The following SMYD3 variants were observed in gnomAD, a reference collection of about 807,000 sequenced individuals.
SMYD3 encodes SET and MYND domain containing 3.
In SMYD3, 36 loss-of-function variants were observed where a neutral mutation model predicts 57.7. That is an observed-to-expected ratio of 0.62 (90% CI 0.48 to 0.82). The LOEUF (loss-of-function observed/expected upper bound fraction) is 0.82. Ranked by LOEUF, SMYD3 falls within the 40% of genes least tolerant of loss-of-function variation. The pLI, the probability that SMYD3 is intolerant of heterozygous loss-of-function variation, is 0.00. For synonymous variants in SMYD3, 211 were observed against 195.0 expected, an observed-to-expected ratio of 1.08 and a Z score of -0.68; for missense variants, 515 against 538.8, an observed-to-expected ratio of 0.96 and a Z score of 0.44.
chr1:245,784,843 A>ATTTTTTT (rs74163079), intron 10 of SMYD3, among the ~76,000 whole-genome samples: 1 of 115,706 alleles, frequency 8.6e-6, no homozygotes, highest in South Asian at 2.6e-4. Context: ...TTTAGACTGA[A>ATTTTTTT]TTTTTTTTTT....
intron 7 of SMYD3, among the ~76,000 whole-genome samples, chr1:245,923,746 G>C (rs948561170): frequency 6.6e-5 from 10 of 152,246 alleles, no homozygotes; most frequent in African/African-American, 2.4e-4. Context: ...CTGTAAGCCT[G>C]TGCCCATTTA....
intron 8 of SMYD3, among the ~76,000 whole-genome samples, chr1:245,900,437 T>C (rs532669174): frequency 2.0e-5 from 3 of 152,288 alleles, no homozygotes; most frequent in African/African-American, 7.2e-5. Flanking sequence ...AGAGCTTAGA[T>C]ACACTGACTG....
At chr1:246,269,543 C>CTTTTT (rs570972296) in intron 5 of SMYD3, among the ~76,000 whole-genome samples, 5 of 135,204 alleles carry the variant, frequency 3.7e-5, no homozygotes, top group Admixed American at 7.5e-5. Context: ...CTTTTTTTTT[C>CTTTTT]TTTTTTTTTT....
chr1:246,057,575 T>C (rs1006489904), intron 5 of SMYD3, among the ~76,000 whole-genome samples: 2 of 152,180 alleles, frequency 1.3e-5, no homozygotes, highest in African/African-American at 4.8e-5. Flanking sequence ...CATATTAGAA[T>C]GGCCAAATCC....
chr1:246,392,800 GAA>G (rs1304643488), intron 1 of SMYD3, among the ~76,000 whole-genome samples: 38 of 92,882 alleles, frequency 4.1e-4, no homozygotes, highest in Non-Finnish European at 6.8e-4. Flanking sequence ...AAAAGAAAAA[GAA>G]AAAGAAAAAA....
At chr1:245,818,529 A>G (rs1194875713) in intron 10 of SMYD3, among the ~76,000 whole-genome samples, 1 of 152,164 alleles carries the variant, frequency 6.6e-6, no homozygotes, top group African/African-American at 2.4e-5. Context: ...GACAGGATCA[A>G]ATTCACACAT....
At chr1:246,274,493 T>C (rs1012447768) in intron 5 of SMYD3, among the ~76,000 whole-genome samples, 1 of 152,190 alleles carries the variant, frequency 6.6e-6, no homozygotes, top group Non-Finnish European at 1.5e-5. Context: ...GTGGACTCCA[T>C]TCTCCAAGTG....
intron 10 of SMYD3, among the ~76,000 whole-genome samples, chr1:245,816,684 G>A (rs753750617): frequency 9.0e-4 from 137 of 151,964 alleles, no homozygotes; most frequent in Non-Finnish European, 1.7e-3. Context: ...CAGGTCAGTG[G>A]GTGCGCGCAC....
intron 8 of SMYD3, among the ~76,000 whole-genome samples, chr1:245,913,600 C>T (rs1038282150): frequency 6.6e-6 from 1 of 151,506 alleles, no homozygotes; most frequent in East Asian, 1.9e-4. Context: ...AAAGCACAAG[C>T]AACAAAAACA....
At chr1:245,980,746 T>C (rs893150597) in intron 5 of SMYD3, among the ~76,000 whole-genome samples, 1 of 152,230 alleles carries the variant, frequency 6.6e-6, no homozygotes, top group African/African-American at 2.4e-5. Context: ...CGACGTTGAC[T>C]GGAAAGCTGC....
At chr1:245,770,166 A>G (rs1263829201) in intron 10 of SMYD3, among the ~76,000 whole-genome samples, 1 of 152,272 alleles carries the variant, frequency 6.6e-6, no homozygotes, top group African/African-American at 2.4e-5. Flanking sequence ...GTTTGAAGGT[A>G]TCAAGGAGCC....
chr1:246,095,529 A>T (rs992373847), intron 5 of SMYD3, among the ~76,000 whole-genome samples: 1 of 152,194 alleles, frequency 6.6e-6, no homozygotes, highest in African/African-American at 2.4e-5. Context: ...ACTGCACAAA[A>T]CCTGGACATC....
intron 5 of SMYD3, among the ~76,000 whole-genome samples, chr1:246,046,008 C>T (rs76193501): frequency 0.16 from 25,055 of 152,052 alleles, 2,540 homozygotes; most frequent in East Asian, 0.39. Flanking sequence ...GAAATAGGAA[C>T]ACTTTTACAT....
chr1:246,394,661 T>G (rs2066627369), intron 1 of SMYD3, among the ~76,000 whole-genome samples: 4 of 152,106 alleles, frequency 2.6e-5, no homozygotes, highest in Admixed American at 2.6e-4. Flanking sequence ...TATGCTTTAT[T>G]ATATGAGAGC....
chr1:246,134,274 A>G (rs1186931546), intron 5 of SMYD3, among the ~76,000 whole-genome samples: 2 of 152,108 alleles, frequency 1.3e-5, no homozygotes, highest in Non-Finnish European at 2.9e-5. Flanking sequence ...TAGTACTCCC[A>G]AAGTCTATTC....
At chr1:245,767,548 T>A (rs2046168487) in intron 10 of SMYD3, among the ~76,000 whole-genome samples, 2 of 152,158 alleles carry the variant, frequency 1.3e-5, no homozygotes, top group Admixed American at 1.3e-4. Flanking sequence ...GGGACCACAG[T>A]GATCAGGGGA....
intron 5 of SMYD3, among the ~76,000 whole-genome samples, chr1:246,308,543 C>T (rs1353959787): frequency 1.3e-5 from 2 of 152,146 alleles, no homozygotes; most frequent in African/African-American, 4.8e-5. Context: ...AGAAGGCCCT[C>T]CTAGCCGACT....
intron 5 of SMYD3, among the ~76,000 whole-genome samples, chr1:246,088,384 C>A (rs369712165): frequency 6.6e-6 from 1 of 151,376 alleles, no homozygotes; most frequent in Non-Finnish European, 1.5e-5. Flanking sequence ...CTGAGGCGGG[C>A]GGATCATGAG....
intron 5 of SMYD3, among the ~76,000 whole-genome samples, chr1:246,157,806 C>A (rs572125159): frequency 6.6e-6 from 1 of 152,316 alleles, no homozygotes; most frequent in African/African-American, 2.4e-5. Context: ...TCCAAATTTT[C>A]AAGTGCCACA....
Sources: gnomAD v4.1 joint callset for allele counts (sites outside exome capture counted in the v4.1 genomes callset) on GRCh38, gnomAD v4.1.1 for gene constraint, MANE v1.5 for transcripts, NCBI Gene and HGNC (gene_info 2026-07-23, HGNC 2026-07-21) for gene names.